Variants in PRKAR1B observed in about 807,000 individuals in gnomAD.
The protein encoded by PRKAR1B is protein kinase cAMP-dependent type I regulatory subunit beta, also known as cAMP-dependent protein kinase type I-beta regulatory subunit.
In PRKAR1B, 22 loss-of-function variants were observed where a neutral mutation model predicts 46.5. That is an observed-to-expected ratio of 0.47 (90% confidence interval 0.34 to 0.68). The LOEUF (loss-of-function observed/expected upper bound fraction) is 0.68. Ranked by LOEUF, PRKAR1B falls within the 30% of genes least tolerant of loss-of-function variation. The pLI is 0.01. For missense variants in PRKAR1B, 445 were observed against 535.6 expected (o/e 0.83, Z 1.67); for synonymous variants, 259 against 217.7 (o/e 1.19, Z -1.67).
rs1458024160 is a variant in PRKAR1B at position 714,386 on chromosome 7, C to G, written c.-22-2859G>C. ...TGCTGCAATACCTCCTCAGGCTGAG[C>G]CTCCTTGCCTGCGTCCTTTTGAGAC... On this transcript the variant is annotated intron_variant, in intron 1 of 10. Coordinates refer to ENST00000537384, the MANE Select transcript of PRKAR1B (RefSeq NM_001164760.2). This position sits in a 1 kb window ranked among gnomAD's most constrained non-coding sequence, Gnocchi z 4.3. Among the ~76,000 whole-genome samples the G allele has an allele frequency of 6.6e-6, 1 of 152,218 alleles. No homozygotes were observed. The highest frequency in any genetic ancestry group is 1.5e-5 in the Non-Finnish European group (1 of 68,032).
chr7:558,187 G>T (rs572025427), intron 9 of PRKAR1B, among the ~76,000 whole-genome samples: 7 of 151,744 alleles, frequency 4.6e-5, no homozygotes, highest in Admixed American at 3.9e-4. Flanking sequence ...ATGCTGGGGT[G>T]TGCTGGCATG....
intron 4 of PRKAR1B, among the ~76,000 whole-genome samples, chr7:654,736 CATCACCGTCACCACCATTCTT>C (rs1785103730): frequency 6.6e-6 from 1 of 151,994 alleles, no homozygotes; most frequent in Non-Finnish European, 1.5e-5. Flanking sequence ...TCACCATCCT[CATCACCGTCACCACCATTCTT>C]ATCACCTTCA....
rs1411167009 is a variant in PRKAR1B, at chr7:550,275, C to A, written c.*155G>T. ...AAATGCACAAGGTGATCATTTATTC[C>A]AAAAAGTGAGTCCGGGGAAGGGGCA... On this transcript the variant is annotated 3_prime_UTR_variant, in exon 11 of 11. Transcript: ENST00000537384. 8.1e-5 allele frequency: 51 copies of A among 628,978 alleles called. No individual in the cohort carries two copies. The East Asian group carries it at 1.3e-3, about 16-fold the overall frequency. The allele number at this position is 628,978 out of a possible 1,614,324, so 39.0% of individuals were successfully genotyped here.
rs758025656 is a variant in PRKAR1B at position 593,986 on chromosome 7, G to A, written c.708+2160C>T. Reference sequence around the variant, plus strand: ...GGCCGGGACAGGCCAGCGCCAGCAGGACACCGTCTCTCAGCTGGCCCATGG... The same window carrying A: ...GGCCGGGACAGGCCAGCGCCAGCAGAACACCGTCTCTCAGCTGGCCCATGG... On this transcript the variant is annotated intron_variant, in intron 7 of 10. Transcript: ENST00000537384. This position sits in a 1 kb window ranked among gnomAD's most constrained non-coding sequence, Gnocchi z 6.1. 2.0e-5 allele frequency among the ~76,000 whole-genome samples: 3 copies of A among 152,124 alleles called. No homozygotes were observed. The highest frequency in any genetic ancestry group is 4.4e-5 in the Non-Finnish European group (3 of 68,014).
At chr7:726,247 C>T (rs1416290304) in intron 1 of PRKAR1B, among the ~76,000 whole-genome samples, 2 of 152,246 alleles carry the variant, frequency 1.3e-5, no homozygotes, top group African/African-American at 2.4e-5. Flanking sequence ...AGGCACCTGT[C>T]TTACACCACA....
intron 2 of PRKAR1B, among the ~76,000 whole-genome samples, chr7:699,290 C>T (rs139689906): frequency 6.6e-6 from 1 of 152,224 alleles, no homozygotes; most frequent in East Asian, 1.9e-4. Context: ...GCCAGGCCTG[C>T]GTGAGAATTC....
At chr7:726,206 C>G (rs541738904) in intron 1 of PRKAR1B, among the ~76,000 whole-genome samples, 1 of 152,372 alleles carries the variant, frequency 6.6e-6, no homozygotes, top group South Asian at 2.1e-4. Flanking sequence ...CGCCTGAGAT[C>G]TAATGACAGG....
intron 4 of PRKAR1B, among the ~76,000 whole-genome samples, chr7:662,046 C>T (rs1418413846): frequency 9.2e-5 from 7 of 75,890 alleles, no homozygotes; most frequent in African/African-American, 1.7e-4. Context: ...TACTCTCCCC[C>T]CCATGGCACA....
intron 9 of PRKAR1B, among the ~76,000 whole-genome samples, chr7:569,885 G>A (rs778150290): frequency 2.0e-5 from 3 of 152,204 alleles, no homozygotes; most frequent in African/African-American, 4.8e-5. Context: ...CCCTGGAACC[G>A]TCACTGTCCC....
intron 2 of PRKAR1B, among the ~76,000 whole-genome samples, chr7:699,839 A>T (rs1430531384): frequency 6.6e-6 from 1 of 152,134 alleles, no homozygotes; most frequent in Non-Finnish European, 1.5e-5. Flanking sequence ...AGGTTTGGGA[A>T]GGTTTTAAGA....
Position 597,932 on chromosome 7 carries a change from C to T in PRKAR1B, c.550-1628G>A, listed in dbSNP as rs184012218. ...TTGCAGCACAGTGAGTTTCACATCGCTCAGATCGGGGCCTCACAAACTCCC... is the reference window on the plus strand; with the variant it reads ...TTGCAGCACAGTGAGTTTCACATCGTTCAGATCGGGGCCTCACAAACTCCC... On this transcript the variant is annotated intron_variant, in intron 6 of 10. Transcript: ENST00000537384. Among the ~76,000 whole-genome samples, 408 of 152,350 alleles carry T rather than the reference C, an allele frequency of 2.7e-3. 2 individuals carry two copies. Among genetic ancestry groups the T allele is most frequent in the African/African-American group, 9.4e-3 (390 of 41,574 alleles).
intron 2 of PRKAR1B, among the ~76,000 whole-genome samples, chr7:710,398 G>A (rs979583680): frequency 4.6e-5 from 7 of 152,202 alleles, no homozygotes; most frequent in Non-Finnish European, 1.0e-4. Flanking sequence ...AGCAGGAGGT[G>A]TCACAGGGGC....
intron 9 of PRKAR1B, among the ~76,000 whole-genome samples, chr7:570,299 C>T (rs1226142296): frequency 6.6e-6 from 1 of 152,236 alleles, no homozygotes; most frequent in African/African-American, 2.4e-5. Context: ...GCACTTCTCA[C>T]TTGGCTCTCA....
intron 9 of PRKAR1B, among the ~76,000 whole-genome samples, chr7:570,551 C>T (rs1054431934): frequency 2.6e-5 from 4 of 152,108 alleles, no homozygotes; most frequent in African/African-American, 9.7e-5. Flanking sequence ...CCCGAGCCCT[C>T]CCTCATCCCC....
At chr7:726,840 CG>C in intron 1 of PRKAR1B, 1 of 1,325,710 alleles carries the variant, frequency 7.5e-7, no homozygotes, top group South Asian at 2.0e-5. Flanking sequence ...GGCTGGAGGC[CG>C]ACAGCAAGCC....
At chr7:576,205 G>A (rs1267748629) in intron 9 of PRKAR1B, among the ~76,000 whole-genome samples, 5 of 146,476 alleles carry the variant, frequency 3.4e-5, no homozygotes, top group Admixed American at 1.3e-4. Context: ...ACATGGGCAG[G>A]CGTGCACGCT....
chr7:607,309 T>C (rs913841503), intron 5 of PRKAR1B, 82 bp downstream of exon 5: 12 of 1,383,594 alleles, frequency 8.7e-6, no homozygotes, highest in Non-Finnish European at 1.1e-5. Flanking sequence ...CCATCGTGCC[T>C]GCCCTTATGC....
At chr7:571,966 G>A (rs895543905) in intron 9 of PRKAR1B, among the ~76,000 whole-genome samples, 1 of 152,230 alleles carries the variant, frequency 6.6e-6, no homozygotes, top group Non-Finnish European at 1.5e-5. Context: ...GTGTCCGCCG[G>A]AGGCAGGGCA....
intron 2 of PRKAR1B, among the ~76,000 whole-genome samples, chr7:708,953 C>T (rs917233671): frequency 4.0e-5 from 6 of 151,552 alleles, no homozygotes; most frequent in Non-Finnish European, 8.8e-5. Context: ...CCACCACACC[C>T]GGCTAATTTT....
Sources: allele counts gnomAD v4.1 joint callset (sites outside exome capture counted in the v4.1 genomes callset), GRCh38; gene constraint gnomAD v4.1.1; non-coding constraint Gnocchi (gnomAD v3.1); transcripts MANE v1.5; gene names NCBI Gene and HGNC (gene_info 2026-07-23, HGNC 2026-07-21).